Variants in GPHN observed in about 807,000 individuals in gnomAD.
GPHN encodes gephyrin.
GPHN carries 17 observed loss-of-function variants against 95.5 expected under a neutral mutation model. That is an observed-to-expected ratio of 0.18 (90% CI 0.12 to 0.27). GPHN has a LOEUF of 0.27. Ranked by LOEUF, GPHN falls within the 10% of genes least tolerant of loss-of-function variation. The probability of loss-of-function intolerance (pLI) is 1.00; values close to 1 mark genes in which losing one functional copy is unlikely to be tolerated. For synonymous variants in GPHN, 320 were observed against 322.5 expected (o/e 0.99, Z 0.08); for missense variants, 660 against 978.1 (o/e 0.67, Z 4.34).
At chr14:66,782,822 G>C (rs2059652300) in intron 3 of GPHN, among the ~76,000 whole-genome samples, 4 of 152,026 alleles carry the variant, frequency 2.6e-5, no homozygotes, top group Admixed American at 2.6e-4. Flanking sequence ...GACAGAGCGA[G>C]ACTCCATCTC....
the GPHN span, among the ~76,000 whole-genome samples, chr14:67,342,669 G>A: frequency 2.0e-5 from 3 of 147,088 alleles, no homozygotes; most frequent in Non-Finnish European, 3.0e-5. Context: ...CATTAATATA[G>A]TTAATATATA....
At chr14:67,504,305 T>A in the GPHN span, among the ~76,000 whole-genome samples, 1 of 152,180 alleles carries the variant, frequency 6.6e-6, no homozygotes, top group East Asian at 1.9e-4. Flanking sequence ...TGAGCCACCG[T>A]GCCCAGGCTC....
At chr14:67,139,339 A>G (rs949212367) in intron 17 of GPHN, among the ~76,000 whole-genome samples, 4 of 152,182 alleles carry the variant, frequency 2.6e-5, no homozygotes, top group East Asian at 1.9e-4. Context: ...GGCTCAAGCA[A>G]TCCTCTCACA....
the GPHN span, among the ~76,000 whole-genome samples, chr14:67,596,055 G>C: frequency 1.3e-5 from 2 of 152,260 alleles, no homozygotes; most frequent in African/African-American, 4.8e-5. Context: ...TAACATTTCT[G>C]AAGTTAAAAT....
chr14:66,874,969 C>T (rs1056684001), intron 4 of GPHN, among the ~76,000 whole-genome samples: 3 of 151,978 alleles, frequency 2.0e-5, no homozygotes, highest in Non-Finnish European at 2.9e-5. Context: ...GATTCACCAA[C>T]GTTGGAATGA....
At chr14:66,717,562 T>TG (rs971604865) in intron 2 of GPHN, among the ~76,000 whole-genome samples, 53 of 152,166 alleles carry the variant, frequency 3.5e-4, no homozygotes, top group African/African-American at 1.2e-3. Flanking sequence ...GTGTGATTTT[T>TG]GGGGGGTGTT....
the GPHN span, among the ~76,000 whole-genome samples, chr14:67,225,719 C>T: frequency 2.6e-5 from 4 of 152,142 alleles, no homozygotes; most frequent in South Asian, 2.1e-4. Context: ...AGTTTATGTG[C>T]AATTCATAAT....
At chr14:66,960,677 A>G (rs1240111983) in intron 8 of GPHN, among the ~76,000 whole-genome samples, 1 of 152,068 alleles carries the variant, frequency 6.6e-6, no homozygotes, top group East Asian at 1.9e-4. Flanking sequence ...ACACTTCAAC[A>G]CTCAGCCAGG....
intron 1 of GPHN, among the ~76,000 whole-genome samples, chr14:66,612,851 T>C (rs183506703): frequency 1.3e-5 from 2 of 152,276 alleles, no homozygotes; most frequent in Admixed American, 1.3e-4. Flanking sequence ...TTCTGAGATT[T>C]ATCTCTTATT....
chr14:67,245,916 A>AT, the GPHN span, among the ~76,000 whole-genome samples: 2 of 151,348 alleles, frequency 1.3e-5, no homozygotes, highest in African/African-American at 4.9e-5. Flanking sequence ...TCTATGTTCC[A>AT]TTTTGAGTTT....
intron 10 of GPHN, among the ~76,000 whole-genome samples, chr14:67,032,361 A>G (rs1403543663): frequency 6.6e-6 from 1 of 152,202 alleles, no homozygotes; most frequent in African/African-American, 2.4e-5. Context: ...TGCCACACAC[A>G]GGCACCAGCA....
At chr14:67,547,047 A>G in the GPHN span, among the ~76,000 whole-genome samples, 3 of 152,146 alleles carry the variant, frequency 2.0e-5, no homozygotes, top group Non-Finnish European at 4.4e-5. Context: ...GGTAAACTGA[A>G]CTTTCATAAT....
the GPHN span, among the ~76,000 whole-genome samples, chr14:67,574,761 A>G: frequency 2.0e-5 from 3 of 152,166 alleles, no homozygotes; most frequent in Non-Finnish European, 2.9e-5. The surrounding 1 kb of genome is among the most constrained non-coding windows in gnomAD (Gnocchi z 4.2). Flanking sequence ...TGGCTCCTCA[A>G]AGACTTAAAG....
chr14:66,750,862 G>A (rs1159095633), intron 2 of GPHN, among the ~76,000 whole-genome samples: 3 of 151,878 alleles, frequency 2.0e-5, no homozygotes, highest in Non-Finnish European at 4.4e-5. Context: ...TCCAGCAAAC[G>A]AGGTAAGTTG....
chr14:66,980,215 G>A lies in GPHN; in HGVS notation c.963+14890G>A, dbSNP rs1177063866. Among the ~76,000 whole-genome samples the A allele has an allele frequency of 2.0e-5, 3 of 152,278 alleles. No homozygotes were observed. In the South Asian group the frequency reaches 6.2e-4, roughly 32 times the overall value. ...TGACGATAGATTCGCTTAACACAGGGTAGCCACAGACAAACCTTGAACTTG... is the reference window on the plus strand; with the variant it reads ...TGACGATAGATTCGCTTAACACAGGATAGCCACAGACAAACCTTGAACTTG... On this transcript the variant is annotated intron_variant, in intron 9 of 22. Coordinates refer to ENST00000478722, the MANE Select transcript of GPHN (RefSeq NM_020806.5).
chr14:66,752,562 C>T (rs1375011906), intron 2 of GPHN, among the ~76,000 whole-genome samples: 1 of 152,002 alleles, frequency 6.6e-6, no homozygotes, highest in African/African-American at 2.4e-5. Flanking sequence ...TGATTAAGTC[C>T]CCTGTCTTAT....
At chr14:66,985,557 C>G (rs1039470422) in intron 9 of GPHN, 1 of 607,186 alleles carries the variant, frequency 1.6e-6, no homozygotes, top group African/African-American at 1.9e-5. Context: ...ACTCCTTGGC[C>G]TCCTAAGAGC....
the GPHN span, chr14:67,200,274 C>T: frequency 1.3e-6 from 1 of 758,286 alleles, no homozygotes; most frequent in East Asian, 2.9e-5. Context: ...CAGGCCCACT[C>T]CCCAGCCACC....
intron 1 of GPHN, among the ~76,000 whole-genome samples, chr14:66,545,684 C>G (rs12890527): frequency 3.1e-5 from 3 of 97,518 alleles, no homozygotes; most frequent in Non-Finnish European, 4.1e-5. Context: ...TAGGGGCGGC[C>G]GGGCAGAGGC....
Sources: gnomAD v4.1 joint callset for allele counts (sites outside exome capture counted in the v4.1 genomes callset) on GRCh38, gnomAD v4.1.1 for gene constraint, Gnocchi (gnomAD v3.1) non-coding constraint, MANE v1.5 for transcripts, NCBI Gene and HGNC (gene_info 2026-07-23, HGNC 2026-07-21) for gene names.